RAPGEF4: variants seen among roughly 807,000 people sequenced by gnomAD.
RAPGEF4 encodes RAP guanine-nucleotide-exchange factor (GEF) 4.
In RAPGEF4, 66 loss-of-function variants were observed where a neutral mutation model predicts 147.9. The observed-to-expected ratio is 0.45, with a 90% CI of 0.37 to 0.55. The LOEUF (loss-of-function observed/expected upper bound fraction) is 0.55, where lower values mean the gene tolerates loss of function less well. RAPGEF4 is among the 20% of genes least tolerant of loss of function. The pLI is 0.00. For synonymous variants in RAPGEF4, 419 were observed against 442.7 expected, an observed-to-expected ratio of 0.95 and a Z score of 0.67; for missense variants, 1,071 against 1,257.3, an observed-to-expected ratio of 0.85 and a Z score of 2.24.
chr2:172,794,425 G>T (rs565603742), intron 1 of RAPGEF4, among the ~76,000 whole-genome samples: 2 of 151,184 alleles, frequency 1.3e-5, no homozygotes, highest in Admixed American at 1.3e-4. Context: ...ACAATGGGAA[G>T]ATTTGACAAC....
At position 173,048,623 on chromosome 2, in the gene RAPGEF4, A is replaced by C; in HGVS notation, c.2877A>C (p.Arg959Ser). ...EKMRMIANTA[R>S]TVRYYRSQPF... The stretch of plus-strand genomic sequence containing the variant: ...AGCGCATGATTGCAAATACGGCCAG[A>C]ACAGTGAGATACTACAGGAGCCAAC... Residue 959 changes from arginine (R) to serine (S), a missense_variant, in exon 30 of 31, where the codon AGA becomes AGC. Physicochemically the swap from Arg to Ser is moderately radical, Grantham distance 110. Transcript: ENST00000397081. The C allele has an allele frequency of 3.1e-6, 5 of 1,614,156 alleles. No individual in the cohort carries two copies. Among genetic ancestry groups the C allele is most frequent in the Non-Finnish European group, 4.2e-6 (5 of 1,180,018 alleles).
chr2:172,960,636 TA>T, intron 6 of RAPGEF4, 123 bp from the exon 7 acceptor site: 1 of 700,258 alleles, frequency 1.4e-6, no homozygotes, highest in Non-Finnish European at 2.2e-6. Context: ...ATTTATCTCT[TA>T]TTTTTTTAAA....
In RAPGEF4 at chr2:172,797,674, T is replaced by C. The variant is rs1013663680; in HGVS notation, c.297+61T>C. ...TTTTTTTAAAGACTTATTATCCCTA[T>C]GTCTTTTATGCCATTAAAATTACAT... is the stretch of plus-strand genomic sequence containing the variant. On this transcript the variant is annotated intron_variant, in intron 3 of 30. Coordinates refer to ENST00000397081, the MANE Select transcript of RAPGEF4 (RefSeq NM_007023.4). 4 of 1,229,368 alleles carry C rather than the reference T, an allele frequency of 3.3e-6. No homozygotes were observed. The African/African-American group carries it at 6.1e-5, about 19-fold the overall frequency. The allele number at this position is 1,229,368 out of a possible 1,614,324, so 76.2% of individuals were successfully genotyped here.
chr2:172,799,970 A>G (rs777243502), intron 3 of RAPGEF4, among the ~76,000 whole-genome samples: 2 of 152,198 alleles, frequency 1.3e-5, no homozygotes, highest in Non-Finnish European at 2.9e-5. Context: ...CATCCTAGCC[A>G]TGCTATAATA....
At chr2:172,918,171 G>C in intron 5 of RAPGEF4, 1 of 492,948 alleles carries the variant, frequency 2.0e-6, no homozygotes, top group Non-Finnish European at 3.7e-6. Context: ...TGTTCTTTCT[G>C]TGCCCTTTTA....
chr2:172,815,184 T>C (rs1688382827), intron 4 of RAPGEF4, among the ~76,000 whole-genome samples: 1 of 152,258 alleles, frequency 6.6e-6, no homozygotes, highest in Non-Finnish European at 1.5e-5. Context: ...TATGTCCAAG[T>C]GTTAAACCAT....
Position 172,961,011 on chromosome 2 carries a change from T to C in RAPGEF4, c.592-111T>C, listed in dbSNP as rs1689233934. On this transcript the variant is annotated intron_variant, in intron 7 of 30. Transcript: ENST00000397081. ...ACAAAGTAAAGCACTGAGTGAGTTA[T>C]GTTTTCCAAGCCAGAGTCAGATTGG... 17 of 948,832 alleles carry C rather than the reference T, an allele frequency of 1.8e-5. No homozygotes were observed. In the South Asian group the frequency reaches 2.3e-4, roughly 13 times the overall value. 58.8% of individuals were successfully genotyped at this position (948,832 alleles called of 1,614,324 possible).
chr2:173,034,062 C>T, intron 27 of RAPGEF4, 98 bp downstream of exon 27: 1 of 1,135,688 alleles, frequency 8.8e-7, no homozygotes, highest in Non-Finnish European at 1.3e-6. Flanking sequence ...TTTATCTGTC[C>T]TTATATGACT....
intron 30 of RAPGEF4, 88 bp downstream of exon 30, chr2:173,048,742 G>T (rs1269877020): frequency 1.9e-6 from 3 of 1,587,542 alleles, no homozygotes; most frequent in Non-Finnish European, 2.6e-6. Context: ...TTGGAGCCTG[G>T]GAAATATCTG....
At chr2:172,867,871 GA>G (rs1694812304) in intron 4 of RAPGEF4, among the ~76,000 whole-genome samples, 1 of 152,200 alleles carries the variant, frequency 6.6e-6, no homozygotes, top group African/African-American at 2.4e-5. Flanking sequence ...TTGTGACAGA[GA>G]AGAAGTCTGA....
intron 4 of RAPGEF4, among the ~76,000 whole-genome samples, chr2:172,823,729 C>T (rs1019587275): frequency 3.9e-5 from 6 of 152,198 alleles, no homozygotes; most frequent in African/African-American, 1.2e-4. Context: ...CAAATTCCTG[C>T]AGTCTTGCCC....
intron 4 of RAPGEF4, among the ~76,000 whole-genome samples, chr2:172,887,015 C>G (rs889216749): frequency 2.6e-5 from 4 of 151,992 alleles, no homozygotes; most frequent in African/African-American, 4.8e-5. Context: ...TGGTGAAACC[C>G]TGTCTCTACT....
intron 3 of RAPGEF4, 39 bp from the exon 4 acceptor site, chr2:172,814,240 T>C (rs369840267): frequency 1.1e-4 from 179 of 1,600,494 alleles, no homozygotes; most frequent in Non-Finnish European, 1.4e-4. Flanking sequence ...ACCCATTAGA[T>C]GTTTAATTTT....
chr2:172,786,244 T>A (rs1018414685), intron 1 of RAPGEF4, among the ~76,000 whole-genome samples: 8 of 152,154 alleles, frequency 5.3e-5, no homozygotes, highest in Non-Finnish European at 1.2e-4. Context: ...ATAGTTTCCA[T>A]ATTCAACTAC....
chr2:172,738,352 G>A (rs1004666093), intron 1 of RAPGEF4, among the ~76,000 whole-genome samples: 1 of 152,230 alleles, frequency 6.6e-6, no homozygotes, highest in Non-Finnish European at 1.5e-5. Context: ...TAGGCTTAGA[G>A]GGTAGGGGAG....
At chr2:172,990,995 C>A in intron 15 of RAPGEF4, 70 bp downstream of exon 15, 1 of 1,169,132 alleles carries the variant, frequency 8.6e-7, no homozygotes, top group South Asian at 1.3e-5. Context: ...ATCATTTCTA[C>A]AATAGCATGT....
intron 4 of RAPGEF4, among the ~76,000 whole-genome samples, chr2:172,824,201 T>G (rs1189921095): frequency 6.6e-6 from 1 of 152,226 alleles, no homozygotes; most frequent in Non-Finnish European, 1.5e-5. Flanking sequence ...TAAAACTGGT[T>G]TCACGTTAGA....
chr2:172,739,864 C>CTA (rs1404243873), intron 1 of RAPGEF4, among the ~76,000 whole-genome samples: 2 of 152,174 alleles, frequency 1.3e-5, no homozygotes, highest in Non-Finnish European at 2.9e-5. Flanking sequence ...CATTGACAAG[C>CTA]TATGGCCTGT....
rs138331402 is a variant in RAPGEF4, at chr2:172,972,564, C to T, written c.1004+5120C>T. Among the ~76,000 whole-genome samples the T allele has an allele frequency of 2.2e-3, 340 of 152,284 alleles. 2 individuals are homozygous for T. The highest frequency in any genetic ancestry group is 7.6e-3 in the African/African-American group (317 of 41,550). ...TTGGTCTTTACTGGAAAGATTTTGG[C>T]GTCACAAGTGAAAGCTTGTAGAATT... On this transcript the variant is annotated intron_variant, in intron 10 of 30. Coordinates refer to ENST00000397081, the MANE Select transcript of RAPGEF4 (RefSeq NM_007023.4).
Sources: gnomAD v4.1 joint callset for allele counts (sites outside exome capture counted in the v4.1 genomes callset) on GRCh38, gnomAD v4.1.1 for gene constraint, MANE v1.5 for transcripts, NCBI Gene and HGNC (gene_info 2026-07-23, HGNC 2026-07-21) for gene names.